The following MINDY4 variants were observed in gnomAD, a reference collection of about 807,000 sequenced individuals.
MINDY4 encodes the protein MINDY lysine 48 deubiquitinase 4.
MINDY4 carries 68 observed loss-of-function variants against 87.0 expected under a neutral mutation model. The observed-to-expected ratio is 0.78, with a 90% CI of 0.64 to 0.96. The LOEUF (loss-of-function observed/expected upper bound fraction) is 0.96, where lower values mean the gene tolerates loss of function less well. MINDY4 is among the 40% of genes least tolerant of loss of function. The probability of loss-of-function intolerance (pLI) is 0.00; values close to 1 mark genes in which losing one functional copy is unlikely to be tolerated. For synonymous variants in MINDY4, 379 were observed against 363.2 expected, an observed-to-expected ratio of 1.04 and a Z score of -0.50; for missense variants, 919 against 928.2, an observed-to-expected ratio of 0.99 and a Z score of 0.13.
At chr7:30,790,183 A>G (rs894743241) in intron 4 of MINDY4, among the ~76,000 whole-genome samples, 3 of 152,146 alleles carry the variant, frequency 2.0e-5, no homozygotes, top group Admixed American at 6.5e-5. Flanking sequence ...CAGGTGCCTC[A>G]TCCCTCATCC....
Position 30,785,768 on chromosome 7 carries a change from G to A in MINDY4, c.439G>A (p.Asp147Asn). ...TCACAGACATGACAATCTTGATGGA[G>A]ATGTACTTGGTAATTTTGTATCATC... ...SKARHDNLDG[D>N]VLGNFVSSKR... The change falls in exon 4 of 18, where the codon GAT becomes AAT. Residue 147 changes from aspartate to asparagine, a missense_variant. Physicochemically the swap from Asp to Asn is conservative, Grantham distance 23. Transcript: ENST00000265299. 1 of 1,614,234 alleles carries A rather than the reference G, an allele frequency of 6.2e-7. No homozygotes were observed. Among genetic ancestry groups the A allele is most frequent in the Non-Finnish European group, 8.5e-7 (1 of 1,180,046 alleles).
chr7:30,857,134 C>T (rs533432715), intron 12 of MINDY4, among the ~76,000 whole-genome samples: 2 of 152,296 alleles, frequency 1.3e-5, no homozygotes, highest in South Asian at 4.1e-4. Context: ...TAAATGATGT[C>T]CTCAGGGCTC....
At chr7:30,815,606 C>T (rs1373965311) in intron 5 of MINDY4, among the ~76,000 whole-genome samples, 1 of 152,200 alleles carries the variant, frequency 6.6e-6, no homozygotes, top group African/African-American at 2.4e-5. Flanking sequence ...CTGCATACCC[C>T]AGGCCAGAGT....
At chr7:30,796,328 T>C (rs1168970602) in intron 5 of MINDY4, among the ~76,000 whole-genome samples, 1 of 151,860 alleles carries the variant, frequency 6.6e-6, no homozygotes, top group Non-Finnish European at 1.5e-5. Context: ...CAGGCTTAGG[T>C]GAGGGGAGGA....
chr7:30,780,728 C>G (rs1228356222), intron 2 of MINDY4: 1 of 152,080 alleles, frequency 6.6e-6, no homozygotes, highest in East Asian at 1.9e-4. Context: ...AAAACAATAT[C>G]TAGATTCATA....
intron 4 of MINDY4, among the ~76,000 whole-genome samples, chr7:30,787,818 T>C (rs1182410705): frequency 6.6e-6 from 1 of 152,224 alleles, no homozygotes; most frequent in Non-Finnish European, 1.5e-5. Flanking sequence ...TCTTAGACTT[T>C]TAGCCTCAGG....
At chr7:30,882,892 CAT>C (rs34922367) in intron 16 of MINDY4, 27 bp from the exon 17 acceptor site, 79,794 of 1,609,980 alleles carry the variant, frequency 0.05, 4,036 homozygotes, top group African/African-American at 0.27. Context: ...CCCTGGGTGA[CAT>C]GTGTGTGCCT....
At chr7:30,828,996 T>C (rs1788609309) in intron 6 of MINDY4, among the ~76,000 whole-genome samples, 1 of 152,196 alleles carries the variant, frequency 6.6e-6, no homozygotes, top group African/African-American at 2.4e-5. Context: ...CTCTTTCTGC[T>C]TTTGGTATTT....
intron 15 of MINDY4, among the ~76,000 whole-genome samples, chr7:30,881,272 A>G (rs1790456618): frequency 6.6e-6 from 1 of 152,132 alleles, no homozygotes; most frequent in Non-Finnish European, 1.5e-5. Flanking sequence ...TTCTCTTCCC[A>G]TTGTAGTCAA....
chr7:30,841,563 C>A (rs1334724059), intron 9 of MINDY4, among the ~76,000 whole-genome samples: 1 of 152,154 alleles, frequency 6.6e-6, no homozygotes, highest in Non-Finnish European at 1.5e-5. Flanking sequence ...TCTTTCCCTC[C>A]CTGCAGGCCC....
intron 9 of MINDY4, among the ~76,000 whole-genome samples, chr7:30,849,594 C>T (rs1484506491): frequency 6.6e-6 from 1 of 152,192 alleles, no homozygotes; most frequent in Non-Finnish European, 1.5e-5. Flanking sequence ...TGTGTCGTGG[C>T]ACTCTCTCCT....
At chr7:30,846,453 C>T (rs1317217657) in intron 9 of MINDY4, among the ~76,000 whole-genome samples, 2 of 152,322 alleles carry the variant, frequency 1.3e-5, no homozygotes, top group Middle Eastern at 3.4e-3. Flanking sequence ...GTGAGGAATT[C>T]GACTCTTAAA....
At chr7:30,871,803 A>AT (rs2128578427) in intron 13 of MINDY4, among the ~76,000 whole-genome samples, 1 of 152,326 alleles carries the variant, frequency 6.6e-6, no homozygotes, top group Admixed American at 6.5e-5. Flanking sequence ...TAACTCAAGG[A>AT]AACATTAGAG....
chr7:30,807,498 T>G (rs1401958006), intron 5 of MINDY4, among the ~76,000 whole-genome samples: 1 of 152,074 alleles, frequency 6.6e-6, no homozygotes, highest in African/African-American at 2.4e-5. Context: ...GTATCCATTT[T>G]AGATTTAAAA....
intron 12 of MINDY4, among the ~76,000 whole-genome samples, chr7:30,853,739 G>C (rs1384345617): frequency 1.3e-5 from 2 of 152,210 alleles, no homozygotes; most frequent in Non-Finnish European, 2.9e-5. Context: ...TGGACGGGTG[G>C]GGTCAGGACA....
At position 30,882,937 on chromosome 7, in the gene MINDY4, C is replaced by T. The variant is rs775680867; in HGVS notation, c.2169C>T (p.Ile723=). ...IRLTIDTTQT[I]SEDTDNDLVP... ...CCTTCCCAGACACCACCCAAACCAT[C>T]TCTGAGGACACAGACAACGACCTTG... is the stretch of plus-strand genomic sequence containing the variant. The change falls in exon 17 of 18, where the codon ATC becomes ATT. Residue 723 remains isoleucine, a synonymous_variant. Coordinates refer to ENST00000265299, the MANE Select transcript of MINDY4 (RefSeq NM_032222.3). 1.2e-6 allele frequency: 2 copies of T among 1,613,952 alleles called. No individual in the cohort carries two copies. The highest frequency in any genetic ancestry group is 1.7e-6 in the Non-Finnish European group (2 of 1,179,988).
At chr7:30,826,688 G>A (rs1390780880) in intron 5 of MINDY4, among the ~76,000 whole-genome samples, 4 of 152,128 alleles carry the variant, frequency 2.6e-5, no homozygotes, top group Non-Finnish European at 4.4e-5. Flanking sequence ...TGGAGTTATC[G>A]CCTGGGTTTA....
chr7:30,796,067 A>C (rs1439785575), intron 5 of MINDY4, among the ~76,000 whole-genome samples: 2 of 151,332 alleles, frequency 1.3e-5, no homozygotes, highest in African/African-American at 2.4e-5. Context: ...TAGTTGAGGG[A>C]GGGGGTCATT....
rs61739692 is a variant in MINDY4, at chr7:30,791,237, C to T, written c.736C>T (p.Arg246Trp). ...CTCCACCCAACCCCAAGAAGAGAGC[C>T]GGAAGGTCCCTGAGCTCTTTGTCTG... is the stretch of plus-strand genomic sequence containing the variant. ...SSSTQPQEES[R>W]KVPELFVCTQ... The change falls in exon 5 of 18, where the codon CGG becomes TGG. Residue 246 changes from arginine to tryptophan, a missense_variant. By Grantham distance (101) the Arg-to-Trp change is moderately radical. Coordinates refer to ENST00000265299, the MANE Select transcript of MINDY4 (RefSeq NM_032222.3). The T allele has an allele frequency of 6.1e-4, 992 of 1,614,160 alleles. 3 individuals carry two copies. The African/African-American group carries it at 0.011, about 18-fold the overall frequency.
Sources: gnomAD v4.1 joint callset for allele counts (sites outside exome capture counted in the v4.1 genomes callset) on GRCh38, gnomAD v4.1.1 for gene constraint, MANE v1.5 for transcripts, NCBI Gene and HGNC (gene_info 2026-07-23, HGNC 2026-07-21) for gene names.